Variants in SPAG16 observed in about 807,000 individuals in gnomAD.
The protein encoded by SPAG16 is sperm associated antigen 16, also known as sperm-associated antigen 16 protein.
SPAG16 carries 86 observed loss-of-function variants against 80.4 expected under a neutral mutation model. That is an observed-to-expected ratio of 1.07 (90% CI 0.90 to 1.28). The LOEUF is 1.28. SPAG16 is among the 50% of genes most tolerant of loss of function. The pLI, the probability that SPAG16 is intolerant of heterozygous loss-of-function variation, is 0.00. For missense variants in SPAG16, 870 were observed against 765.3 expected, an observed-to-expected ratio of 1.14 and a Z score of -1.61; for synonymous variants, 294 against 265.9, an observed-to-expected ratio of 1.11 and a Z score of -1.03.
At chr2:213,438,013 T>C (rs1391208333) in intron 9 of SPAG16, among the ~76,000 whole-genome samples, 2 of 152,154 alleles carry the variant, frequency 1.3e-5, no homozygotes. Flanking sequence ...AGTGCTGGTT[T>C]TGGATTTAGG....
At chr2:213,807,285 T>C (rs1198749707) in intron 10 of SPAG16, among the ~76,000 whole-genome samples, 1 of 152,124 alleles carries the variant, frequency 6.6e-6, no homozygotes, top group Non-Finnish European at 1.5e-5. Context: ...GGGAGATTCT[T>C]GTCCTCGACT....
In SPAG16 at chr2:213,343,023, G is replaced by A. The variant is rs147856981; in HGVS notation, c.644+2753G>A. On this transcript the variant is annotated intron_variant, in intron 6 of 15. Coordinates refer to ENST00000331683, the MANE Select transcript of SPAG16 (RefSeq NM_024532.5). ...TGCAGCATGGTGTACACAGAAGGAAGGAGGTACATGAAATGTAGCTTAAGA... is the reference window on the plus strand; with the variant it reads ...TGCAGCATGGTGTACACAGAAGGAAAGAGGTACATGAAATGTAGCTTAAGA... Among the ~76,000 whole-genome samples, 787 of 152,134 alleles carry A rather than the reference G, an allele frequency of 5.2e-3. 4 individuals are homozygous for A. Among genetic ancestry groups the A allele is most frequent in the African/African-American group, 0.017 (699 of 41,484 alleles).
At chr2:214,306,662 G>A (rs1240347622) in intron 15 of SPAG16, among the ~76,000 whole-genome samples, 1 of 152,028 alleles carries the variant, frequency 6.6e-6, no homozygotes, top group Non-Finnish European at 1.5e-5. Flanking sequence ...TTCTGTTTAT[G>A]TGATAAATCA....
rs111494388 is a variant in SPAG16 at position 213,594,671 on chromosome 2, A to T, written c.1070+104581A>T. 1.6e-3 allele frequency among the ~76,000 whole-genome samples: 236 copies of T among 152,226 alleles called. 3 individuals carry two copies. The highest frequency in any genetic ancestry group is 4.6e-3 in the African/African-American group (192 of 41,540). On this transcript the variant is annotated intron_variant, in intron 10 of 15. Transcript: ENST00000331683. ...CCAGTAAATGTTATCGCAATTCATC[A>T]TTTACGTTTCTGGCTGCCTCAGTTC...
At chr2:213,877,950 G>A (rs1373684905) in intron 11 of SPAG16, among the ~76,000 whole-genome samples, 1 of 152,130 alleles carries the variant, frequency 6.6e-6, no homozygotes, top group Non-Finnish European at 1.5e-5. Context: ...GTGATACTCA[G>A]TGTATCATTC....
chr2:214,291,530 C>T (rs939689904), intron 15 of SPAG16, among the ~76,000 whole-genome samples: 1 of 151,650 alleles, frequency 6.6e-6, no homozygotes, highest in African/African-American at 2.4e-5. Flanking sequence ...TGGTCTCGAT[C>T]TCCTGACCTC....
chr2:213,900,827 C>T (rs995713775), intron 11 of SPAG16, among the ~76,000 whole-genome samples: 3 of 152,116 alleles, frequency 2.0e-5, no homozygotes, highest in African/African-American at 7.2e-5. Context: ...AGGCCATAGC[C>T]TTCATAACCA....
At chr2:213,387,278 A>G (rs1313894664) in intron 9 of SPAG16, among the ~76,000 whole-genome samples, 1 of 151,598 alleles carries the variant, frequency 6.6e-6, no homozygotes, top group African/African-American at 2.4e-5. Context: ...ATATTCAATG[A>G]CAGTGCAGGA....
intron 10 of SPAG16, among the ~76,000 whole-genome samples, chr2:213,733,528 T>A (rs1481728104): frequency 6.7e-6 from 1 of 150,164 alleles, no homozygotes; most frequent in Non-Finnish European, 1.5e-5. Context: ...TTGGTGTGTG[T>A]CTTCATGAGA....
At chr2:213,510,718 G>C (rs1487084561) in intron 10 of SPAG16, among the ~76,000 whole-genome samples, 1 of 152,156 alleles carries the variant, frequency 6.6e-6, no homozygotes, top group Non-Finnish European at 1.5e-5. Flanking sequence ...AATCTGACAA[G>C]TGTACTTGAC....
At chr2:214,019,456 G>C (rs2047748311) in intron 13 of SPAG16, among the ~76,000 whole-genome samples, 1 of 152,140 alleles carries the variant, frequency 6.6e-6, no homozygotes, top group South Asian at 2.1e-4. Context: ...GCCTTTAGTG[G>C]CCATTCCTTG....
chr2:214,351,664 C>A lies in SPAG16; in HGVS notation c.1721-58476C>A, dbSNP rs544277566. Among the ~76,000 whole-genome samples the A allele has an allele frequency of 5.2e-4, 79 of 151,860 alleles. 1 individual carries two copies. Among genetic ancestry groups the A allele is most frequent in the Non-Finnish European group, 5.0e-4 (34 of 67,946 alleles). On this transcript the variant is annotated intron_variant, in intron 15 of 15. Transcript: ENST00000331683. The stretch of plus-strand genomic sequence containing the variant: ...CTTGCAGTGAGCCGAGATGGCATCA[C>A]TGCACTCCAGCCTGGGTGACAGAGC...
intron 10 of SPAG16, among the ~76,000 whole-genome samples, chr2:213,609,100 C>T (rs1054479501): frequency 6.6e-6 from 1 of 152,188 alleles, no homozygotes. Flanking sequence ...TATTGTAAAA[C>T]TGGTTATTCA....
chr2:213,287,022 A>G (rs2062080351), intron 1 of SPAG16, among the ~76,000 whole-genome samples: 1 of 152,196 alleles, frequency 6.6e-6, no homozygotes, highest in African/African-American at 2.4e-5. Flanking sequence ...TTTCTCTTCT[A>G]AGGAACCCAG....
chr2:213,865,881 G>A (rs1413453967), intron 11 of SPAG16, among the ~76,000 whole-genome samples: 1 of 147,774 alleles, frequency 6.8e-6, no homozygotes, highest in Non-Finnish European at 1.5e-5. Flanking sequence ...AATATACATA[G>A]CAACTTGGAA....
At chr2:213,441,958 C>T (rs995786124) in intron 9 of SPAG16, among the ~76,000 whole-genome samples, 18 of 152,114 alleles carry the variant, frequency 1.2e-4, no homozygotes, top group Admixed American at 8.5e-4. Flanking sequence ...ACCAGCCTGG[C>T]CAACATGGCA....
At chr2:213,906,113 T>C (rs1011050743) in intron 11 of SPAG16, among the ~76,000 whole-genome samples, 1 of 152,072 alleles carries the variant, frequency 6.6e-6, no homozygotes, top group Admixed American at 6.6e-5. Flanking sequence ...GACCTTTATT[T>C]TTAACCTTCC....
At chr2:213,825,701 C>CTTTTTT (rs55777958) in intron 10 of SPAG16, among the ~76,000 whole-genome samples, 23 of 109,726 alleles carry the variant, frequency 2.1e-4, no homozygotes, top group African/African-American at 4.2e-4. Context: ...TTCTTTCTTT[C>CTTTTTT]TTTTTTTTTT....
At chr2:214,020,600 C>A (rs1234593437) in intron 13 of SPAG16, among the ~76,000 whole-genome samples, 1 of 152,082 alleles carries the variant, frequency 6.6e-6, no homozygotes, top group Non-Finnish European at 1.5e-5. Context: ...TTGGATTTAG[C>A]AGCTATCAGA....
Sources: gnomAD v4.1 joint callset for allele counts (sites outside exome capture counted in the v4.1 genomes callset) on GRCh38, gnomAD v4.1.1 for gene constraint, MANE v1.5 for transcripts, NCBI Gene and HGNC (gene_info 2026-07-23, HGNC 2026-07-21) for gene names.